The following MAST3 variants were observed in gnomAD, a reference collection of about 807,000 sequenced individuals.
The protein encoded by MAST3 is microtubule associated serine/threonine kinase 3, also known as microtubule-associated serine/threonine-protein kinase 3.
In MAST3, 43 loss-of-function variants were observed where a neutral mutation model predicts 127.0. That is an observed-to-expected ratio of 0.34 (90% CI 0.27 to 0.44). The LOEUF (loss-of-function observed/expected upper bound fraction) is 0.44. MAST3 is among the 20% of genes least tolerant of loss of function. The pLI is 1.00. For missense variants in MAST3, 1,390 were observed against 1,919.1 expected (o/e 0.72, Z 5.15); for synonymous variants, 785 against 809.2 (o/e 0.97, Z 0.51).
intron 1 of MAST3, among the ~76,000 whole-genome samples, chr19:18,105,580 G>A (rs1488642318): frequency 1.3e-5 from 2 of 150,824 alleles, no homozygotes; most frequent in Admixed American, 6.6e-5. Flanking sequence ...GGTTGAGGCA[G>A]GAGAATCGCT....
chr19:18,118,275 G>A, intron 3 of MAST3: 4 of 984,966 alleles, frequency 4.1e-6, no homozygotes, highest in Non-Finnish European at 4.8e-6. Context: ...CGGCGCCGGC[G>A]AAGGCTCGGC....
At chr19:18,135,231 G>A (rs1186509164) in intron 17 of MAST3, among the ~76,000 whole-genome samples, 1 of 152,146 alleles carries the variant, frequency 6.6e-6, no homozygotes, top group Non-Finnish European at 1.5e-5. Flanking sequence ...TTGGGAGGCT[G>A]AGGCGGGAGG....
At position 18,145,923 on chromosome 19, in the gene MAST3, C is replaced by T. The variant is rs889043009; in HGVS notation, c.3162+58C>T. 6 of 1,512,392 alleles carry T rather than the reference C, an allele frequency of 4.0e-6. No individual in the cohort carries two copies. Among genetic ancestry groups the T allele is most frequent in the Non-Finnish European group, 5.3e-6 (6 of 1,138,886 alleles). The allele number at this position is 1,512,392 out of a possible 1,614,324, so 93.7% of individuals were successfully genotyped here. A position where few individuals can be genotyped will look rare whatever the true frequency, so the allele number is the denominator to read the frequency against. ...CCCCAGCACCCCTTGGCCGCAGCTC[C>T]CGGTTCCCCGTGGTTCTCCGCGTCC... On this transcript the variant is annotated intron_variant, in intron 25 of 27. Coordinates refer to ENST00000687212, the MANE Select transcript of MAST3 (RefSeq NM_001393504.1). The surrounding 1 kb of genome is among the most constrained non-coding windows in gnomAD (Gnocchi z 5.9).
At chr19:18,121,546 G>A (rs2039979916) in intron 3 of MAST3, 139 bp from the exon 4 acceptor site, 2 of 728,238 alleles carry the variant, frequency 2.7e-6, no homozygotes, top group South Asian at 1.7e-5. Context: ...GGGGAACCCA[G>A]CTGGGGGCAG....
At chr19:18,106,540 CTTATTTAT>C (rs143547108) in intron 1 of MAST3, among the ~76,000 whole-genome samples, 2,427 of 136,082 alleles carry the variant, frequency 0.018, 23 homozygotes, top group Middle Eastern at 0.044. Flanking sequence ...CTTGGCCCTT[CTTATTTAT>C]TTATTTATTT....
At chr19:18,100,738 T>C (rs576943474) in intron 1 of MAST3, among the ~76,000 whole-genome samples, 8 of 152,330 alleles carry the variant, frequency 5.3e-5, no homozygotes, top group African/African-American at 1.9e-4. Flanking sequence ...GTTGTCTTCA[T>C]CAGCCCCAGT....
Position 18,110,416 on chromosome 19 carries a change from G to A in MAST3, c.72-236G>A. 1.0e-6 allele frequency: 1 copy of A among 984,660 alleles called. No homozygotes were observed. The allele number at this position is 984,660 out of a possible 1,614,324, so 61.0% of individuals were successfully genotyped here. A position where few individuals can be genotyped will look rare whatever the true frequency, so the allele number is the denominator to read the frequency against. ...ATGCGGGGTGCAGGGAGGACAGGAT[G>A]ACAACTACCCTCCCCCCACGTCTCT... On this transcript the variant is annotated intron_variant, in intron 2 of 27. Coordinates refer to ENST00000687212, the MANE Select transcript of MAST3 (RefSeq NM_001393504.1). This position sits in a 1 kb window ranked among gnomAD's most constrained non-coding sequence, Gnocchi z 4.3.
chr19:18,123,129 C>A, intron 6 of MAST3, 88 bp from the exon 7 acceptor site: 1 of 1,412,872 alleles, frequency 7.1e-7, no homozygotes, highest in Non-Finnish European at 9.9e-7. Flanking sequence ...GGCCAGCAGG[C>A]AGCCTGGGCC....
intron 1 of MAST3, among the ~76,000 whole-genome samples, chr19:18,100,128 C>CTTTTTTTTTTTTTTTTTT (rs58879254): frequency 8.2e-6 from 1 of 121,708 alleles, no homozygotes; most frequent in Non-Finnish European, 1.8e-5. Flanking sequence ...CTCTCTCTCT[C>CTTTTTTTTTTTTTTTTTT]TTTTTTTTTT....
Position 18,149,403 on chromosome 19 carries a change from T to TCGCCCC in MAST3, c.3722_3727dup (p.Pro1242_Leu1243insProPro). On this transcript the variant is annotated inframe_insertion, in exon 28 of 28. Transcript: ENST00000687212. This position sits in a 1 kb window ranked among gnomAD's most constrained non-coding sequence, Gnocchi z 5.9. Reference sequence around the variant, plus strand: ...CTCCGCGCCCCCACCCCGCTCGCCCTCGCCCCTGCCCGGGCACCCGCCCGC... The same window carrying TCGCCCC: ...CTCCGCGCCCCCACCCCGCTCGCCCTCGCCCCCGCCCCTGCCCGGGCACCCGCCCGC... 3 of 1,462,286 alleles carry TCGCCCC rather than the reference T, an allele frequency of 2.1e-6. No individual in the cohort carries two copies. Among genetic ancestry groups the TCGCCCC allele is most frequent in the Non-Finnish European group, 2.7e-6 (3 of 1,113,420 alleles). The allele number at this position is 1,462,286 out of a possible 1,614,324, so 90.6% of individuals were successfully genotyped here.
At chr19:18,142,714 C>T (rs1026919246) in intron 21 of MAST3, among the ~76,000 whole-genome samples, 1 of 149,158 alleles carries the variant, frequency 6.7e-6, no homozygotes, top group African/African-American at 2.5e-5. Flanking sequence ...AGTGCAGTGG[C>T]ACGATCATAG....
intron 3 of MAST3, among the ~76,000 whole-genome samples, chr19:18,117,186 C>T (rs2039368721): frequency 6.6e-6 from 1 of 152,102 alleles, no homozygotes; most frequent in African/African-American, 2.4e-5. Context: ...GGGGATGTTA[C>T]GCATGGGGAA....
chr19:18,098,767 T>A (rs1053576182), intron 1 of MAST3: 8 of 456,628 alleles, frequency 1.8e-5, no homozygotes, highest in African/African-American at 1.6e-4. Context: ...AACGAACATT[T>A]ATGGAGCGCC....
At chr19:18,106,664 C>T (rs1336057929) in intron 1 of MAST3, among the ~76,000 whole-genome samples, 2 of 151,574 alleles carry the variant, frequency 1.3e-5, no homozygotes, top group Non-Finnish European at 2.9e-5. Flanking sequence ...CTCCGCCTCC[C>T]GGGTTCAAGC....
At chr19:18,122,815 T>C (rs1190371371) in intron 6 of MAST3, 64 bp downstream of exon 6, 5 of 1,507,476 alleles carry the variant, frequency 3.3e-6, no homozygotes, top group Non-Finnish European at 4.5e-6. Context: ...GACACATCTT[T>C]GTGTGTTTTT....
At chr19:18,143,718 G>T (rs753367260) in intron 21 of MAST3, 45 bp from the exon 22 acceptor site, 1 of 1,608,766 alleles carries the variant, frequency 6.2e-7, no homozygotes, top group Middle Eastern at 1.7e-4. Flanking sequence ...GTATCCTGGG[G>T]TGCAGGTGCC....
chr19:18,149,246 A>G lies in MAST3; in HGVS notation c.3564A>G (p.Pro1188=), dbSNP rs767292493. 1 of 1,433,618 alleles carries G rather than the reference A, an allele frequency of 7.0e-7. No homozygotes were observed. Among genetic ancestry groups the G allele is most frequent in the South Asian group, 1.5e-5 (1 of 68,024 alleles). The allele number at this position is 1,433,618 out of a possible 1,614,324, so 88.8% of individuals were successfully genotyped here. The change falls in exon 28 of 28, where the codon CCA becomes CCG. Residue 1188 remains proline (P), a synonymous_variant. Coordinates refer to ENST00000687212, the MANE Select transcript of MAST3 (RefSeq NM_001393504.1). This position sits in a 1 kb window ranked among gnomAD's most constrained non-coding sequence, Gnocchi z 5.9. ...CGAGCTCCAGCAGCCCCGCCTCCCC[A>G]GCTGCTGCTGGCCACACCCGCCCCA... ...ASPSSSSPAS[P]AAAGHTRPSS...
chr19:18,120,012 G>T (rs906784069), intron 3 of MAST3, among the ~76,000 whole-genome samples: 6 of 152,192 alleles, frequency 3.9e-5, no homozygotes, highest in African/African-American at 1.2e-4. Flanking sequence ...CTCTGGTGGG[G>T]CGGGGGACGG....
rs753362293 is a variant in MAST3 at position 18,145,722 on chromosome 19, A to T, written c.3040-21A>T. On this transcript the variant is annotated intron_variant, in intron 24 of 27. Coordinates refer to ENST00000687212, the MANE Select transcript of MAST3 (RefSeq NM_001393504.1). The surrounding 1 kb of genome is among the most constrained non-coding windows in gnomAD (Gnocchi z 5.9). ...ATGTGGGGCCCAGGCCATTGACCCC[A>T]CCGTTCTCGTCTGCCCCCAGAGTGT... The T allele has an allele frequency of 1.9e-6, 3 of 1,560,006 alleles. No homozygotes were observed. In the African/African-American group the frequency reaches 4.2e-5, roughly 22 times the overall value.
Sources: allele counts gnomAD v4.1 joint callset (sites outside exome capture counted in the v4.1 genomes callset), GRCh38; gene constraint gnomAD v4.1.1; non-coding constraint Gnocchi (gnomAD v3.1); transcripts MANE v1.5; gene names NCBI Gene and HGNC (gene_info 2026-07-23, HGNC 2026-07-21).